The following FEZ2 variants were observed in gnomAD, a reference collection of about 807,000 sequenced individuals.
FEZ2 encodes fasciculation and elongation protein zeta 2, also known as fasciculation and elongation protein zeta-2.
Under a neutral mutation model 40.4 loss-of-function variants are expected in FEZ2, and 51 were observed. That is an observed-to-expected ratio of 1.26 (90% CI 1.01 to 1.59). FEZ2 has a LOEUF of 1.59. FEZ2 is among the 40% of genes most tolerant of loss of function. The pLI, the probability that FEZ2 is intolerant of heterozygous loss-of-function variation, is 0.00. For synonymous variants in FEZ2, 242 were observed against 172.0 expected, an observed-to-expected ratio of 1.41 and a Z score of -3.18; for missense variants, 640 against 438.3, an observed-to-expected ratio of 1.46 and a Z score of -4.11.
chr2:36,584,518 C>T (rs1180365246), intron 2 of FEZ2, among the ~76,000 whole-genome samples: 3 of 152,160 alleles, frequency 2.0e-5, no homozygotes, highest in Non-Finnish European at 4.4e-5. Flanking sequence ...TATCATCTAC[C>T]TATCTGTCAT....
chr2:36,585,164 A>G (rs1005311182), intron 2 of FEZ2, among the ~76,000 whole-genome samples: 3 of 152,244 alleles, frequency 2.0e-5, no homozygotes, highest in African/African-American at 7.2e-5. Context: ...TCTCAATAGC[A>G]ACAATAGATG....
chr2:36,579,064 G>C (rs1031303672), intron 4 of FEZ2, 199 bp from the exon 5 acceptor site: 3 of 526,286 alleles, frequency 5.7e-6, no homozygotes, highest in South Asian at 3.3e-5. Flanking sequence ...TCTGAGTAGA[G>C]GTAAGTGGGC....
rs763631092 is a variant in FEZ2 at position 36,578,850 on chromosome 2, G to C, written c.650C>G (p.Ser217Ter). 10 of 1,610,536 alleles carry C rather than the reference G, an allele frequency of 6.2e-6. No homozygotes were observed. The highest frequency in any genetic ancestry group is 8.5e-6 in the Non-Finnish European group (10 of 1,178,742). Residue 217 changes from serine (S) to a stop codon, truncating the protein, a stop_gained, in exon 5 of 8, where the codon TCA (serine) becomes TGA (stop). Transcript: ENST00000405912. LOFTEE classifies it high-confidence loss of function. ...GSYEERVKRL[S>*]VSELNEILEE... ...CAGGATTTCATTTAACTCAGACACT[G>C]AGAGCCTTTTCACTCCTGTGACCAA...
intron 3 of FEZ2, among the ~76,000 whole-genome samples, chr2:36,581,753 C>A (rs1042452683): frequency 2.6e-5 from 4 of 152,148 alleles, no homozygotes; most frequent in African/African-American, 9.7e-5. Flanking sequence ...ACTTCAGACA[C>A]ACCAGAGCTA....
At chr2:36,597,582 T>C (rs1438074691) in intron 1 of FEZ2, among the ~76,000 whole-genome samples, 1 of 151,802 alleles carries the variant, frequency 6.6e-6, no homozygotes, top group Non-Finnish European at 1.5e-5. Context: ...GTGCCGTCTC[T>C]AACTATGGGC....
chr2:36,561,759 T>G (rs78644967), intron 5 of FEZ2, among the ~76,000 whole-genome samples: 337 of 152,332 alleles, frequency 2.2e-3, no homozygotes, highest in African/African-American at 7.6e-3. Context: ...ACTCACTTGA[T>G]GGTTCCTTCC....
Position 36,590,998 on chromosome 2 carries a change from G to C in FEZ2, c.280C>G (p.Leu94Val), listed in dbSNP as rs1310489992. 1 of 1,603,844 alleles carries C rather than the reference G, an allele frequency of 6.2e-7. No homozygotes were observed. Among genetic ancestry groups the C allele is most frequent in the East Asian group, 2.2e-5 (1 of 44,834 alleles). Residue 94 changes from leucine to valine, a missense_variant, in exon 2 of 8, where the codon CTG (leucine) becomes GTG (valine). By Grantham distance (32) the Leu-to-Val change is conservative (BLOSUM62 1). Transcript: ENST00000405912. ...LLQGDEIWNA[L>V]TDNYGNVMPV... The stretch of plus-strand genomic sequence containing the variant: ...ATCACATTCCCATAATTATCTGTCA[G>C]GGCATTCCAAATCCTTAAAAAGAAG...
At chr2:36,557,343 T>C (rs960743916) in intron 6 of FEZ2, 3 of 152,198 alleles carry the variant, frequency 2.0e-5, no homozygotes, top group African/African-American at 7.2e-5. Flanking sequence ...CTGGCATCAC[T>C]TGATTTATCC....
chr2:36,559,737 C>A (rs1311710700), intron 5 of FEZ2, among the ~76,000 whole-genome samples: 4 of 152,220 alleles, frequency 2.6e-5, no homozygotes, highest in African/African-American at 9.6e-5. Context: ...GCACCCTGGC[C>A]CGCTCTCTGG....
chr2:36,594,461 G>A (rs1252108574), intron 1 of FEZ2: 2 of 202,916 alleles, frequency 9.9e-6, no homozygotes, highest in East Asian at 3.2e-4. Context: ...GGAGGCAAAA[G>A]GCACTTCTTA....
intron 5 of FEZ2, among the ~76,000 whole-genome samples, chr2:36,576,752 A>T (rs975112483): frequency 6.6e-6 from 1 of 152,232 alleles, no homozygotes; most frequent in Non-Finnish European, 1.5e-5. Flanking sequence ...TGAAGGCTGA[A>T]GTAAGACCTA....
At chr2:36,594,607 C>G (rs4553805) in intron 1 of FEZ2, 12,231 of 153,478 alleles carry the variant, frequency 0.08, 1,083 homozygotes, top group East Asian at 0.44. Flanking sequence ...ATTACCTCCC[C>G]CTGGATCCCT....
chr2:36,556,390 A>T (rs1190237847), intron 6 of FEZ2: 1 of 155,690 alleles, frequency 6.4e-6, no homozygotes, highest in Non-Finnish European at 1.4e-5. Flanking sequence ...GCAGCCACCT[A>T]GTATAACGTT....
intron 5 of FEZ2, chr2:36,558,913 C>T (rs1325267116): frequency 2.6e-5 from 4 of 153,314 alleles, no homozygotes; most frequent in Non-Finnish European, 4.4e-5. Flanking sequence ...AACAGTTCTG[C>T]ACAATAAAGT....
At chr2:36,555,832 A>G (rs1309925498) in intron 6 of FEZ2, 84 bp from the exon 7 acceptor site, 4 of 775,602 alleles carry the variant, frequency 5.2e-6, no homozygotes, top group Non-Finnish European at 8.4e-6. Flanking sequence ...TGTGGCCTTA[A>G]TCTTCCTTAA....
intron 7 of FEZ2, 166 bp downstream of exon 7, chr2:36,555,517 T>C (rs886658365): frequency 2.3e-5 from 10 of 443,396 alleles, no homozygotes; most frequent in African/African-American, 4.1e-5. Context: ...AACCATGATA[T>C]ATAATGTTGG....
At chr2:36,567,701 G>A (rs759645679) in intron 5 of FEZ2, among the ~76,000 whole-genome samples, 31 of 151,694 alleles carry the variant, frequency 2.0e-4, no homozygotes, top group Non-Finnish European at 4.0e-4. Flanking sequence ...GGCGGAGGTT[G>A]CAGTGAGCCA....
chr2:36,569,858 A>C (rs1395407450), intron 5 of FEZ2, among the ~76,000 whole-genome samples: 1 of 152,208 alleles, frequency 6.6e-6, no homozygotes, highest in African/African-American at 2.4e-5. Context: ...GGTTTGAAAA[A>C]GCACTCAAGG....
chr2:36,574,040 GA>G (rs1668494156), intron 5 of FEZ2, among the ~76,000 whole-genome samples: 2 of 152,302 alleles, frequency 1.3e-5, no homozygotes, highest in South Asian at 4.2e-4. Context: ...TCAATTTTAG[GA>G]AAATGGTAAC....
Sources: allele counts gnomAD v4.1 joint callset (sites outside exome capture counted in the v4.1 genomes callset), GRCh38; gene constraint gnomAD v4.1.1; transcripts MANE v1.5; gene names NCBI Gene and HGNC (gene_info 2026-07-23, HGNC 2026-07-21).